Variants in PCCA observed in about 807,000 individuals in gnomAD.
PCCA encodes the protein propionyl-CoA carboxylase alpha chain, mitochondrial.
In PCCA, 74 loss-of-function variants were observed where a neutral mutation model predicts 101.3. That is an observed-to-expected ratio of 0.73 (90% CI 0.61 to 0.89). PCCA has a LOEUF of 0.89. Among genes scored for constraint, PCCA ranks in the 40% least tolerant of loss-of-function variants. PCCA has a pLI of 0.00. For missense variants in PCCA, 891 were observed against 907.0 expected (o/e 0.98, Z 0.23); for synonymous variants, 294 against 313.6 (o/e 0.94, Z 0.66).
At chr13:100,298,642 C>T (rs1365407747) in intron 12 of PCCA, among the ~76,000 whole-genome samples, 4,163 of 5,142 alleles carry the variant, frequency 0.81, 1,747 homozygotes, top group Non-Finnish European at 0.85. Flanking sequence ...CTCCCTCCCT[C>T]CCTCCCTCCC....
chr13:100,507,911 C>T (rs1307554412), intron 21 of PCCA, among the ~76,000 whole-genome samples: 2 of 152,158 alleles, frequency 1.3e-5, no homozygotes, highest in African/African-American at 4.8e-5. Flanking sequence ...CAGCCTTGGC[C>T]TCCCAAAGTG....
chr13:100,156,726 C>T (rs138977720), intron 5 of PCCA, among the ~76,000 whole-genome samples: 3 of 152,216 alleles, frequency 2.0e-5, no homozygotes, highest in Admixed American at 1.3e-4. Flanking sequence ...TTGATAGAAA[C>T]GGCTTGTTGG....
At chr13:100,361,138 G>A (rs1255602959) in intron 18 of PCCA, among the ~76,000 whole-genome samples, 1 of 152,114 alleles carries the variant, frequency 6.6e-6, no homozygotes, top group Non-Finnish European at 1.5e-5. Context: ...AAGCATTCGG[G>A]GGAGGGAGGG....
chr13:100,285,346 A>G (rs569121578), intron 12 of PCCA, among the ~76,000 whole-genome samples: 442 of 152,308 alleles, frequency 2.9e-3, no homozygotes, highest in Non-Finnish European at 4.7e-3. Flanking sequence ...TTCCCACAGT[A>G]CAAAGCTTCT....
At chr13:100,298,197 AT>A (rs1226460099) in intron 12 of PCCA, among the ~76,000 whole-genome samples, 2 of 152,066 alleles carry the variant, frequency 1.3e-5, no homozygotes, top group African/African-American at 4.8e-5. Context: ...AGGGAATTCC[AT>A]TTTGTATTTT....
At chr13:100,408,296 A>G (rs2077810421) in intron 19 of PCCA, among the ~76,000 whole-genome samples, 1 of 152,212 alleles carries the variant, frequency 6.6e-6, no homozygotes, top group Admixed American at 6.5e-5. Context: ...TAGTTCTTAA[A>G]ACTCAAAAAG....
intron 18 of PCCA, among the ~76,000 whole-genome samples, chr13:100,342,412 C>G (rs752581610): frequency 2.6e-5 from 4 of 151,968 alleles, no homozygotes; most frequent in Non-Finnish European, 5.9e-5. Context: ...TACAGGCATA[C>G]ACTACCACAT....
At chr13:100,304,583 G>T (rs2066313824) in intron 14 of PCCA, among the ~76,000 whole-genome samples, 1 of 152,150 alleles carries the variant, frequency 6.6e-6, no homozygotes, top group Non-Finnish European at 1.5e-5. Context: ...GGTGAATTGA[G>T]AATGAAGGGT....
At chr13:100,318,438 C>G (rs1296332399) in intron 16 of PCCA, among the ~76,000 whole-genome samples, 1 of 151,594 alleles carries the variant, frequency 6.6e-6, no homozygotes, top group Non-Finnish European at 1.5e-5. Flanking sequence ...CCCATTAACT[C>G]GTCATTTACA....
At chr13:100,405,733 A>C (rs901222661) in intron 19 of PCCA, among the ~76,000 whole-genome samples, 1 of 150,674 alleles carries the variant, frequency 6.6e-6, no homozygotes, top group Admixed American at 6.6e-5. Flanking sequence ...TCCCAAGCTA[A>C]ACTTGGAGCT....
At chr13:100,455,900 G>T (rs181485900) in intron 21 of PCCA, among the ~76,000 whole-genome samples, 2 of 151,984 alleles carry the variant, frequency 1.3e-5, no homozygotes, top group East Asian at 3.9e-4. Context: ...GGGTTTCACT[G>T]TGTTGGCCAG....
At chr13:100,390,397 A>T (rs1186632074) in intron 19 of PCCA, among the ~76,000 whole-genome samples, 2 of 152,222 alleles carry the variant, frequency 1.3e-5, no homozygotes, top group Non-Finnish European at 2.9e-5. Flanking sequence ...TTCCTGGGTC[A>T]TTGCATGTGA....
At chr13:100,185,502 A>C (rs2057176004) in intron 6 of PCCA, among the ~76,000 whole-genome samples, 1 of 151,986 alleles carries the variant, frequency 6.6e-6, no homozygotes, top group Non-Finnish European at 1.5e-5. Flanking sequence ...GGCACAAGCC[A>C]CCGTGCCTGG....
rs893807791 is a variant in PCCA at position 100,186,748 on chromosome 13, A to C, written c.469-22584A>C. On this transcript the variant is annotated intron_variant, in intron 6 of 23. Transcript: ENST00000376285. ...AGTGAGATTCCATCTCAAAAAAAAA[A>C]CAAAAAAAAAAAGAAAATACAAAAT... Among the ~76,000 whole-genome samples, 9 of 150,408 alleles carry C rather than the reference A, an allele frequency of 6.0e-5. No individual in the cohort carries two copies. In the South Asian group the frequency reaches 8.5e-4, roughly 14 times the overall value.
intron 12 of PCCA, among the ~76,000 whole-genome samples, chr13:100,295,699 T>C (rs1243310875): frequency 6.6e-6 from 1 of 152,192 alleles, no homozygotes; most frequent in Non-Finnish European, 1.5e-5. Flanking sequence ...CTTACACTTT[T>C]AGGGGCAGTT....
rs539080941 is a variant in PCCA, at chr13:100,315,782, C to T, written c.1429+5874C>T. Among the ~76,000 whole-genome samples the T allele has an allele frequency of 3.9e-5, 6 of 152,128 alleles. No individual in the cohort carries two copies. In the East Asian group the frequency reaches 1.2e-3, roughly 29 times the overall value. On this transcript the variant is annotated intron_variant, in intron 16 of 23. Transcript: ENST00000376285. ...ACAGATGGGACCTGGTGAACTCTGCCAGAGGTCATCCTTGACTCCCAGTCC... is the reference window on the plus strand; with the variant it reads ...ACAGATGGGACCTGGTGAACTCTGCTAGAGGTCATCCTTGACTCCCAGTCC...
At chr13:100,360,168 C>T in intron 18 of PCCA, among the ~76,000 whole-genome samples, 1 of 148,074 alleles carries the variant, frequency 6.8e-6, no homozygotes, top group East Asian at 1.9e-4. Context: ...TGCAGGGAAA[C>T]CCCCCCCTTT....
intron 20 of PCCA, among the ~76,000 whole-genome samples, chr13:100,442,888 G>A (rs2080483903): frequency 6.6e-6 from 1 of 152,164 alleles, no homozygotes; most frequent in Non-Finnish European, 1.5e-5. Flanking sequence ...AAGGGGCAAA[G>A]CAGAGGCTCT....
chr13:100,479,168 C>G (rs1416307990), intron 21 of PCCA, among the ~76,000 whole-genome samples: 1 of 152,196 alleles, frequency 6.6e-6, no homozygotes, highest in Non-Finnish European at 1.5e-5. Flanking sequence ...ATCCATTCCT[C>G]AAATCCCAGG....
Sources: allele counts gnomAD v4.1 joint callset (sites outside exome capture counted in the v4.1 genomes callset), GRCh38; gene constraint gnomAD v4.1.1; transcripts MANE v1.5; gene names NCBI Gene and HGNC (gene_info 2026-07-23, HGNC 2026-07-21).